HERC6: variants seen among roughly 807,000 people sequenced by gnomAD.
The protein encoded by HERC6 is probable E3 ubiquitin-protein ligase HERC6.
In HERC6, 101 loss-of-function variants were observed where a neutral mutation model predicts 114.5. That is an observed-to-expected ratio of 0.88 (90% CI 0.75 to 1.04). The LOEUF is 1.04. HERC6 is among the 50% of genes least tolerant of loss of function. HERC6 has a pLI of 0.00. For synonymous variants in HERC6, 408 were observed against 436.2 expected (o/e 0.94, Z 0.81); for missense variants, 1,133 against 1,230.9 (o/e 0.92, Z 1.19).
intron 22 of HERC6, among the ~76,000 whole-genome samples, chr4:88,440,981 A>C (rs950693042): frequency 1.3e-5 from 2 of 152,068 alleles, no homozygotes; most frequent in African/African-American, 4.8e-5. Flanking sequence ...TTAGTGGCAG[A>C]GCAAGGATGA....
intron 12 of HERC6, among the ~76,000 whole-genome samples, chr4:88,415,377 TG>T (rs1279423475): frequency 1.3e-5 from 2 of 152,188 alleles, no homozygotes; most frequent in Non-Finnish European, 2.9e-5. Flanking sequence ...GCAAAATCAC[TG>T]AGTCAAATTG....
rs748680432 is a variant in HERC6, at chr4:88,379,093, A to C, written c.172A>C (p.Arg58=). ...CAACAGCAGGGGTCAGCTGGGCCGCAGGGGCGCGCAGCGCGGGGAGCTGCC... is the reference window on the plus strand; with the variant it reads ...CAACAGCAGGGGTCAGCTGGGCCGCCGGGGCGCGCAGCGCGGGGAGCTGCC... ...GDNSRGQLGR[R]GAQRGELPEP... The change falls in exon 1 of 23, where the codon AGG becomes CGG. Residue 58 remains arginine (R), a synonymous_variant. Transcript: ENST00000264346. 6.5e-7 allele frequency: 1 copy of C among 1,545,112 alleles called. No homozygotes were observed. The highest frequency in any genetic ancestry group is 8.7e-7 in the Non-Finnish European group (1 of 1,146,670).
Position 88,413,106 on chromosome 4 carries a change from C to G in HERC6, c.1398C>G (p.Leu466=). 1.1e-5 allele frequency: 17 copies of G among 1,612,838 alleles called. No individual in the cohort carries two copies. Among genetic ancestry groups the G allele is most frequent in the Non-Finnish European group, 1.4e-5 (17 of 1,179,328 alleles). The change falls in exon 12 of 23, where the codon CTC becomes CTG. Residue 466 remains leucine (L), a synonymous_variant. Coordinates refer to ENST00000264346, the MANE Select transcript of HERC6 (RefSeq NM_017912.4). ...MITTCLEDDL[L]RALPCHSPHQ... is the part of the protein sequence containing the mutation. ...CTACGTGTCTCGAGGATGATCTGCT[C>G]AGAGCTCTTCCATGCCATTCTCCAC...
intron 8 of HERC6, among the ~76,000 whole-genome samples, chr4:88,402,952 T>G (rs369274093): frequency 6.6e-6 from 1 of 152,216 alleles, no homozygotes; most frequent in East Asian, 1.9e-4. Context: ...CGTGGTTACC[T>G]GTCTTCTTCA....
intron 13 of HERC6, among the ~76,000 whole-genome samples, chr4:88,421,451 C>CTTTTT (rs200388722): frequency 1.5e-5 from 2 of 133,904 alleles, no homozygotes; most frequent in Non-Finnish European, 3.1e-5. Flanking sequence ...CTTTTCTTTT[C>CTTTTT]TTTTTTTTTT....
At chr4:88,387,316 G>A (rs1023362542) in intron 3 of HERC6, among the ~76,000 whole-genome samples, 4 of 152,166 alleles carry the variant, frequency 2.6e-5, no homozygotes, top group Non-Finnish European at 2.9e-5. Context: ...AGGAGTGCTC[G>A]AGCTCAGGAG....
rs868076324 is a variant in HERC6 at position 88,428,639 on chromosome 4, A to G, written c.1995A>G (p.Glu665=). Residue 665 remains glutamate, a synonymous_variant, in exon 16 of 23, where the codon GAA becomes GAG. Transcript: ENST00000264346. ...AAACAATTCTGCAAAAAAAGGATGA[A>G]TTTCCTCCATCACCCAGATTTATAC... The part of the protein sequence containing the change: ...MHETILQKKD[E]FPPSPRFILR... 7 of 1,608,666 alleles carry G rather than the reference A, an allele frequency of 4.4e-6. No homozygotes were observed. The South Asian group carries it at 5.6e-5, about 13-fold the overall frequency.
chr4:88,382,298 A>G (rs1221744506), intron 1 of HERC6, among the ~76,000 whole-genome samples: 1 of 152,186 alleles, frequency 6.6e-6, no homozygotes, highest in Non-Finnish European at 1.5e-5. Context: ...CTTGTAGGGA[A>G]ATGTGATCCG....
At chr4:88,417,161 G>A (rs1423602047) in intron 12 of HERC6, among the ~76,000 whole-genome samples, 1 of 152,058 alleles carries the variant, frequency 6.6e-6, no homozygotes, top group Non-Finnish European at 1.5e-5. Context: ...AATCAATTAA[G>A]CATAAATGTG....
intron 2 of HERC6, among the ~76,000 whole-genome samples, chr4:88,384,883 C>T (rs1221237413): frequency 2.6e-5 from 4 of 152,096 alleles, no homozygotes; most frequent in African/African-American, 4.8e-5. Context: ...AATAGCCGGA[C>T]GTTGTGGTGC....
In HERC6 at chr4:88,387,955, A is replaced by G. The variant is rs148227983; in HGVS notation, c.436+2380A>G. Reference sequence around the variant, plus strand: ...AATGCATTTGCTATGGTGAAAGGTGAGTTCTCATAGACCTTCGTGAGAGTT... The same window carrying G: ...AATGCATTTGCTATGGTGAAAGGTGGGTTCTCATAGACCTTCGTGAGAGTT... On this transcript the variant is annotated intron_variant, in intron 3 of 22. Coordinates refer to ENST00000264346, the MANE Select transcript of HERC6 (RefSeq NM_017912.4). Among the ~76,000 whole-genome samples, 1,141 of 152,362 alleles carry G rather than the reference A, an allele frequency of 7.5e-3. 20 individuals carry two copies. Among genetic ancestry groups the G allele is most frequent in the African/African-American group, 0.026 (1,094 of 41,582 alleles).
At chr4:88,404,229 G>C (rs1238632594) in intron 8 of HERC6, among the ~76,000 whole-genome samples, 2 of 135,114 alleles carry the variant, frequency 1.5e-5, no homozygotes, top group South Asian at 2.3e-4. Flanking sequence ...TTTCGCTCTT[G>C]TTGCCCAGGC....
Position 88,379,069 on chromosome 4 carries a change from A to T in HERC6, c.148A>T (p.Asn50Tyr). The change falls in exon 1 of 23, where the codon AAC (asparagine) becomes TAC (tyrosine). Residue 50 changes from asparagine to tyrosine, a missense_variant. Around this residue, in one of 3 missense-constraint regions of HERC6, gnomAD observed 735 missense variants for 754.0 expected, o/e 0.97. Transcript: ENST00000264346. ...TNHRVLSCGD[N>Y]SRGQLGRRGA... ...CCACAGGGTCCTCTCGTGCGGAGACAACAGCAGGGGTCAGCTGGGCCGCAG... is the reference window on the plus strand; with the variant it reads ...CCACAGGGTCCTCTCGTGCGGAGACTACAGCAGGGGTCAGCTGGGCCGCAG... The T allele has an allele frequency of 6.4e-7, 1 of 1,553,242 alleles. No individual in the cohort carries two copies. Among genetic ancestry groups the T allele is most frequent in the Non-Finnish European group, 8.7e-7 (1 of 1,149,998 alleles).
Position 88,396,025 on chromosome 4 carries a change from T to C in HERC6, c.770T>C (p.Val257Ala). 1 of 1,594,234 alleles carries C rather than the reference T, an allele frequency of 6.3e-7. No homozygotes were observed. Among genetic ancestry groups the C allele is most frequent in the Non-Finnish European group, 8.5e-7 (1 of 1,170,898 alleles). ...TCCTTTGCTAAGCAGGACGGGAAAG[T>C]GTTCACATTTGGAGACAATCGCTCT... ...HTAVLTQDGK[V>A]FTFGDNRSGQ... Residue 257 changes from valine to alanine, a missense_variant, in exon 6 of 23, where the codon GTG becomes GCG. By Grantham distance (64) the Val-to-Ala change is moderately conservative (BLOSUM62 0). Around this residue, in one of 3 missense-constraint regions of HERC6, gnomAD observed 735 missense variants for 754.0 expected, o/e 0.97. Coordinates refer to ENST00000264346, the MANE Select transcript of HERC6 (RefSeq NM_017912.4).
At chr4:88,433,412 T>C (rs1258654355) in intron 17 of HERC6, among the ~76,000 whole-genome samples, 1 of 152,180 alleles carries the variant, frequency 6.6e-6, no homozygotes, top group African/African-American at 2.4e-5. Flanking sequence ...CCCAATGTGG[T>C]AGCCTTGAAA....
chr4:88,442,496 C>T lies in HERC6; in HGVS notation c.*36C>T, dbSNP rs1415518400. On this transcript the variant is annotated 3_prime_UTR_variant, in exon 23 of 23. Coordinates refer to ENST00000264346, the MANE Select transcript of HERC6 (RefSeq NM_017912.4). ...GAGACTCAGGGTGGGCTTTCTCACA[C>T]TTGGATCCTTCTGTTCTTCCTTACA... is the stretch of plus-strand genomic sequence containing the variant. 1 of 1,450,730 alleles carries T rather than the reference C, an allele frequency of 6.9e-7. No individual in the cohort carries two copies. Among genetic ancestry groups the T allele is most frequent in the Non-Finnish European group, 9.6e-7 (1 of 1,037,034 alleles). 89.9% of individuals were successfully genotyped at this position (1,450,730 alleles called of 1,614,324 possible).
intron 3 of HERC6, among the ~76,000 whole-genome samples, chr4:88,388,623 A>G (rs1421472603): frequency 2.6e-5 from 4 of 152,028 alleles, no homozygotes; most frequent in African/African-American, 9.7e-5. Flanking sequence ...ATAGGGGAGA[A>G]CCATAGAGCA....
intron 15 of HERC6, among the ~76,000 whole-genome samples, chr4:88,427,844 G>T (rs949167948): frequency 5.9e-5 from 9 of 152,242 alleles, no homozygotes; most frequent in Middle Eastern, 3.2e-3. Context: ...CCCTTGAGGA[G>T]TGCTGAAGGT....
intron 10 of HERC6, 49 bp downstream of exon 10, chr4:88,405,662 T>G (rs373525618): frequency 4.0e-6 from 4 of 998,280 alleles, no homozygotes; most frequent in Non-Finnish European, 5.8e-6. Context: ...GGAAAATATT[T>G]AAAATGAAAT....
Sources: gnomAD v4.1 joint callset for allele counts (sites outside exome capture counted in the v4.1 genomes callset) on GRCh38, gnomAD v4.1.1 for gene constraint, gnomAD v4.1.1 regional missense constraint, MANE v1.5 for transcripts, NCBI Gene and HGNC (gene_info 2026-07-23, HGNC 2026-07-21) for gene names.